The following LINGO1 variants were observed in gnomAD, a reference collection of about 807,000 sequenced individuals.
LINGO1 encodes leucine-rich repeat and immunoglobulin-like domain-containing nogo receptor-interacting protein 1.
Under a neutral mutation model 37.3 loss-of-function variants are expected in LINGO1, and 11 were observed. The observed-to-expected ratio is 0.29, with a 90% CI of 0.19 to 0.49. LINGO1 has a LOEUF of 0.49. Among genes scored for constraint, LINGO1 ranks in the 20% least tolerant of loss-of-function variants. LINGO1 has a pLI of 0.99. For missense variants in LINGO1, 585 were observed against 878.2 expected (o/e 0.67, Z 4.22); for synonymous variants, 387 against 403.0 (o/e 0.96, Z 0.48).
At chr15:77,782,211 GTACA>G (rs1208439181) in intron 1 of LINGO1, among the ~76,000 whole-genome samples, 1 of 54,524 alleles carries the variant, frequency 1.8e-5, no homozygotes, top group Non-Finnish European at 4.2e-5. Flanking sequence ...GTGCGCACGC[GTACA>G]CACACACACA....
upstream of LINGO1, among the ~76,000 whole-genome samples, chr15:77,787,632 G>A (rs985529840): frequency 6.6e-6 from 1 of 151,990 alleles, no homozygotes; most frequent in African/African-American, 2.4e-5. Flanking sequence ...CCTGCCAACC[G>A]CTGAGCGGAA....
chr15:77,626,042 T>A (rs761474486), intron 1 of LINGO1, among the ~76,000 whole-genome samples: 3 of 152,188 alleles, frequency 2.0e-5, no homozygotes. Context: ...TTCACCTGCC[T>A]GAGGTCCTGA....
At chr15:77,618,294 C>G (rs993270595) in intron 1 of LINGO1, among the ~76,000 whole-genome samples, 1 of 152,180 alleles carries the variant, frequency 6.6e-6, no homozygotes, top group African/African-American at 2.4e-5. Context: ...CTTGCACCAC[C>G]GGGCCTCAAC....
chr15:77,742,265 T>C (rs3935684), intron 1 of LINGO1, among the ~76,000 whole-genome samples: 56,688 of 151,924 alleles, frequency 0.37, 11,381 homozygotes, highest in Admixed American at 0.52. Flanking sequence ...GCCCCCACCC[T>C]GGCTTGCAGG....
At chr15:77,623,940 TGTGTG>T (rs2074007573) in intron 1 of LINGO1, among the ~76,000 whole-genome samples, 1 of 148,580 alleles carries the variant, frequency 6.7e-6, no homozygotes, top group Admixed American at 6.7e-5. Context: ...GGACTGTGTA[TGTGTG>T]GTGTGTAAGC....
intron 1 of LINGO1, among the ~76,000 whole-genome samples, chr15:77,776,544 G>GGCA: frequency 8.2e-6 from 1 of 122,546 alleles, no homozygotes; most frequent in African/African-American, 2.7e-5. Context: ...GAGGGAGGGA[G>GGCA]GGAGGGAGGG....
intron 1 of LINGO1, among the ~76,000 whole-genome samples, chr15:77,623,759 TTG>T (rs2073996915): frequency 6.6e-6 from 1 of 151,686 alleles, no homozygotes; most frequent in South Asian, 2.1e-4. Flanking sequence ...GTCATGTCCT[TTG>T]TTGTGTATAA....
upstream of LINGO1, chr15:77,820,891 G>GGAAC (rs2077090370): frequency 6.6e-6 from 1 of 152,440 alleles, no homozygotes; most frequent in Non-Finnish European, 1.5e-5. Flanking sequence ...GGGAAACCAG[G>GGAAC]GAACGAGGTA....
In LINGO1 at chr15:77,812,438, G is replaced by A. The variant is rs560771973; in HGVS notation, c.-458+7820C>T. Among the ~76,000 whole-genome samples the A allele has an allele frequency of 8.5e-5, 13 of 152,324 alleles. No homozygotes were observed. In the South Asian group the frequency reaches 2.5e-3, roughly 29 times the overall value. ...AACAGATGGGAAAGCTGAGGCCCAG[G>A]GCCAGAAGAGACTGGAAGCAAAATA... On this transcript the variant is annotated intron_variant, in intron 1 of 5. Coordinates refer to the LINGO1 transcript ENST00000562933.
chr15:77,776,542 G>GAGGA (rs1555541399), intron 1 of LINGO1, among the ~76,000 whole-genome samples: 1 of 36,960 alleles, frequency 2.7e-5, no homozygotes. Context: ...GGGAGGGAGG[G>GAGGA]AGGGAGGGAG....
At chr15:77,670,833 C>T (rs1207565389) in intron 3 of LINGO1, among the ~76,000 whole-genome samples, 1 of 152,204 alleles carries the variant, frequency 6.6e-6, no homozygotes, top group Non-Finnish European at 1.5e-5. Flanking sequence ...CTGTTTCCTG[C>T]CTCAAAGCCC....
intron 3 of LINGO1, chr15:77,647,885 A>C: frequency 2.2e-6 from 1 of 456,672 alleles, no homozygotes; most frequent in Non-Finnish European, 4.4e-6. Context: ...TCACAGAGGA[A>C]ATATTTTTCT....
intron 2 of LINGO1, among the ~76,000 whole-genome samples, chr15:77,710,672 G>C (rs1431274656): frequency 1.3e-5 from 2 of 152,156 alleles, no homozygotes; most frequent in African/African-American, 4.8e-5. Context: ...GCTGGCTTTT[G>C]TTTCGCTGAA....
chr15:77,692,081 C>T (rs1040428061), intron 1 of LINGO1, among the ~76,000 whole-genome samples: 10 of 152,228 alleles, frequency 6.6e-5, no homozygotes, highest in African/African-American at 2.4e-4. Flanking sequence ...TACAGCTGCC[C>T]TTTGTGCCAT....
intron 2 of LINGO1, among the ~76,000 whole-genome samples, chr15:77,706,825 G>A (rs896981685): frequency 2.6e-5 from 4 of 152,226 alleles, no homozygotes; most frequent in Non-Finnish European, 5.9e-5. Context: ...AGGTCCTCAA[G>A]AAGCAGGAAT....
chr15:77,670,522 C>A (rs1185100799), intron 3 of LINGO1, among the ~76,000 whole-genome samples: 2 of 152,166 alleles, frequency 1.3e-5, no homozygotes, highest in African/African-American at 4.8e-5. Flanking sequence ...CAGCCGTGGT[C>A]CCCAGAGCTG....
At chr15:77,766,313 A>C (rs1278799961) in intron 1 of LINGO1, among the ~76,000 whole-genome samples, 9 of 151,116 alleles carry the variant, frequency 6.0e-5, no homozygotes, top group East Asian at 1.9e-4. Context: ...AAAAAAAAAA[A>C]AAAACACACA....
chr15:77,691,492 A>T (rs2141251152), intron 1 of LINGO1, among the ~76,000 whole-genome samples: 1 of 112,564 alleles, frequency 8.9e-6, no homozygotes, highest in South Asian at 2.8e-4. Context: ...TAGGGAAGGG[A>T]TGTCCCTGGG....
rs780130662 is a variant in LINGO1 at position 77,732,472 on chromosome 15, C to T, written c.-195+2520G>A. ...GTCCGCATCTCAAGCTCACACAAAA[C>T]GTCAGGCTGGTAAACTCTGGTGGTG... On this transcript the variant is annotated intron_variant, in intron 2 of 3. Coordinates refer to the LINGO1 transcript ENST00000561686. Among the ~76,000 whole-genome samples, 25 of 152,240 alleles carry T rather than the reference C, an allele frequency of 1.6e-4. 1 individual carries two copies. The highest frequency in any genetic ancestry group is 2.6e-4 in the Admixed American group (4 of 15,290).
Sources: gnomAD v4.1 joint callset for allele counts (sites outside exome capture counted in the v4.1 genomes callset) on GRCh38, gnomAD v4.1.1 for gene constraint, MANE v1.5 for transcripts, NCBI Gene and HGNC (gene_info 2026-07-23, HGNC 2026-07-21) for gene names.